Variants in XKR4 observed in about 807,000 individuals in gnomAD.
The protein encoded by XKR4 is XK related 4, also known as XK-related protein 4.
Under a neutral mutation model 53.9 loss-of-function variants are expected in XKR4, and 12 were observed. The observed-to-expected ratio is 0.22, with a 90% CI of 0.14 to 0.36. The LOEUF (loss-of-function observed/expected upper bound fraction) is 0.36, where lower values mean the gene tolerates loss of function less well. Ranked by LOEUF, XKR4 falls within the 10% of genes least tolerant of loss-of-function variation. The pLI is 1.00. For synonymous variants in XKR4, 354 were observed against 362.4 expected, an observed-to-expected ratio of 0.98 and a Z score of 0.26; for missense variants, 799 against 859.5, an observed-to-expected ratio of 0.93 and a Z score of 0.88.
chr8:55,426,060 G>A (rs532734196), intron 2 of XKR4, among the ~76,000 whole-genome samples: 21 of 152,186 alleles, frequency 1.4e-4, no homozygotes, highest in Admixed American at 1.2e-3. Context: ...AGTTCCCTGG[G>A]TAAATCATAA....
intron 2 of XKR4, among the ~76,000 whole-genome samples, chr8:55,368,101 C>T (rs761331668): frequency 6.6e-6 from 1 of 152,138 alleles, no homozygotes; most frequent in Non-Finnish European, 1.5e-5. Flanking sequence ...GCTGAGACTA[C>T]AGGCACACAC....
rs538672320 is a variant in XKR4 at position 55,524,576 on chromosome 8, C to G, written c.*349C>G. The G allele has an allele frequency of 1.0e-4, 27 of 259,718 alleles. No homozygotes were observed. The highest frequency in any genetic ancestry group is 5.7e-4 in the African/African-American group (26 of 45,686). The allele number at this position is 259,718 out of a possible 1,614,324, so 16.1% of individuals were successfully genotyped here. ...GGGTGTCTTGATGGCGTTAACTGAT[C>G]TTTCCATAAAAATAGATTCAGTCAT... On this transcript the variant is annotated 3_prime_UTR_variant, in exon 3 of 3. Coordinates refer to ENST00000327381, the MANE Select transcript of XKR4 (RefSeq NM_052898.2).
chr8:55,456,040 T>C (rs1416991417), intron 2 of XKR4, among the ~76,000 whole-genome samples: 2 of 152,218 alleles, frequency 1.3e-5, no homozygotes, highest in Admixed American at 6.5e-5. Context: ...TAATATATTA[T>C]CTAAAATTTC....
chr8:55,195,477 T>C lies in XKR4; in HGVS notation c.806+92183T>C, dbSNP rs1247917271. ...GTATAATATATAGCCTAAATATAAA[T>C]AATTTATTATTAGCCTGAAATACAG... is the stretch of plus-strand genomic sequence containing the variant. On this transcript the variant is annotated intron_variant, in intron 1 of 2. Coordinates refer to ENST00000327381, the MANE Select transcript of XKR4 (RefSeq NM_052898.2). 4.1e-5 allele frequency among the ~76,000 whole-genome samples: 4 copies of C among 97,980 alleles called. No homozygotes were observed. In the East Asian group the frequency reaches 1.0e-3, roughly 25 times the overall value. The allele number at this position is 97,980 out of a possible 152,430, so 64.3% of individuals were successfully genotyped here. A position where few individuals can be genotyped will look rare whatever the true frequency, so the allele number is the denominator to read the frequency against.
intron 2 of XKR4, chr8:55,452,695 G>T (rs534718708): frequency 7.4e-7 from 1 of 1,350,240 alleles, no homozygotes; most frequent in Non-Finnish European, 1.1e-6. Context: ...TCCACAAAGC[G>T]GTTGATGAAG....
chr8:55,186,788 G>T (rs1490480683), intron 1 of XKR4, among the ~76,000 whole-genome samples: 1 of 151,810 alleles, frequency 6.6e-6, no homozygotes, highest in Admixed American at 6.6e-5. Context: ...AATATATCCT[G>T]TTTTTCTTGA....
intron 1 of XKR4, among the ~76,000 whole-genome samples, chr8:55,282,149 T>G (rs995845199): frequency 3.9e-5 from 6 of 152,232 alleles, no homozygotes; most frequent in Non-Finnish European, 7.3e-5. Context: ...TCCTGGTTCC[T>G]TTAATGATAA....
intron 2 of XKR4, among the ~76,000 whole-genome samples, chr8:55,484,790 G>T (rs1316295796): frequency 1.3e-5 from 2 of 152,224 alleles, no homozygotes; most frequent in Non-Finnish European, 2.9e-5. Flanking sequence ...AAGTAAGAAA[G>T]AATTCTTTCT....
intron 2 of XKR4, among the ~76,000 whole-genome samples, chr8:55,395,620 A>G (rs558494346): frequency 1.3e-5 from 2 of 152,316 alleles, no homozygotes; most frequent in African/African-American, 4.8e-5. Flanking sequence ...ATTCACCTGC[A>G]GAAAGATGGT....
chr8:55,105,669 G>A (rs1272409813), intron 1 of XKR4, among the ~76,000 whole-genome samples: 2 of 152,208 alleles, frequency 1.3e-5, no homozygotes, highest in Non-Finnish European at 1.5e-5. Context: ...ACTATTCTCA[G>A]ATTCTGATTA....
intron 1 of XKR4, among the ~76,000 whole-genome samples, chr8:55,148,292 C>T (rs2129355249): frequency 6.6e-6 from 1 of 152,258 alleles, no homozygotes; most frequent in South Asian, 2.1e-4. Context: ...GTAGTCCCAG[C>T]TACTTGGGAG....
intron 2 of XKR4, among the ~76,000 whole-genome samples, chr8:55,362,296 A>T (rs1395981430): frequency 6.6e-6 from 1 of 152,138 alleles, no homozygotes; most frequent in Non-Finnish European, 1.5e-5. Flanking sequence ...TTCAAATTTG[A>T]GCTCATGAAC....
At chr8:55,420,766 C>T (rs1229074162) in intron 2 of XKR4, among the ~76,000 whole-genome samples, 4 of 149,238 alleles carry the variant, frequency 2.7e-5, no homozygotes, top group Non-Finnish European at 5.9e-5. Flanking sequence ...GCACGTGTAC[C>T]CTAAAACTTA....
At chr8:55,396,182 C>T (rs1314210670) in intron 2 of XKR4, among the ~76,000 whole-genome samples, 1 of 152,140 alleles carries the variant, frequency 6.6e-6, no homozygotes, top group Non-Finnish European at 1.5e-5. Context: ...TACCACTGAC[C>T]CTGATAATAG....
At chr8:55,296,081 C>T (rs1467679828) in intron 1 of XKR4, among the ~76,000 whole-genome samples, 1 of 152,084 alleles carries the variant, frequency 6.6e-6, no homozygotes, top group African/African-American at 2.4e-5. Flanking sequence ...CTGGGCTGTC[C>T]TCAGGGGTCC....
intron 1 of XKR4, among the ~76,000 whole-genome samples, chr8:55,299,884 C>A (rs1819160575): frequency 6.6e-6 from 1 of 151,950 alleles, no homozygotes; most frequent in East Asian, 1.9e-4. Flanking sequence ...TGTTCCAGGA[C>A]CTGAGGAGGG....
intron 2 of XKR4, among the ~76,000 whole-genome samples, chr8:55,364,524 T>G (rs1283576689): frequency 6.6e-6 from 1 of 152,368 alleles, no homozygotes; most frequent in South Asian, 2.1e-4. Flanking sequence ...GAAGTTGAGC[T>G]ATGCATTCTG....
At chr8:55,455,821 T>G (rs1805561254) in intron 2 of XKR4, among the ~76,000 whole-genome samples, 2 of 152,146 alleles carry the variant, frequency 1.3e-5, no homozygotes, top group African/African-American at 4.8e-5. Flanking sequence ...CACACAAAGA[T>G]CAGTCATCAG....
chr8:55,439,469 A>G lies in XKR4; in HGVS notation c.1006+81592A>G, dbSNP rs955354834. ...GATACTGGATCTATTAGATTCAAATATAAAATAAGTATTTTAAATAAAGAA... is the reference window on the plus strand; with the variant it reads ...GATACTGGATCTATTAGATTCAAATGTAAAATAAGTATTTTAAATAAAGAA... On this transcript the variant is annotated intron_variant, in intron 2 of 2. Transcript: ENST00000327381. Among the ~76,000 whole-genome samples the G allele has an allele frequency of 1.2e-4, 19 of 152,332 alleles. No individual in the cohort carries two copies. The East Asian group carries it at 3.7e-3, about 29-fold the overall frequency.
Sources: allele counts gnomAD v4.1 joint callset (sites outside exome capture counted in the v4.1 genomes callset), GRCh38; gene constraint gnomAD v4.1.1; transcripts MANE v1.5; gene names NCBI Gene and HGNC (gene_info 2026-07-23, HGNC 2026-07-21).